Variants in ELAVL4 observed in about 807,000 individuals in gnomAD.
ELAVL4 encodes the protein ELAV like RNA binding protein 4.
In ELAVL4, 1 loss-of-function variant was observed where a neutral mutation model predicts 35.6. The observed-to-expected ratio is 0.03, with a 90% CI of 0.01 to 0.13. The LOEUF is 0.13. Ranked by LOEUF, ELAVL4 falls within the 10% of genes least tolerant of loss-of-function variation. The pLI is 1.00. For missense variants in ELAVL4, 267 were observed against 464.9 expected (o/e 0.57, Z 3.91); for synonymous variants, 156 against 171.0 (o/e 0.91, Z 0.69).
chr1:50,082,776 G>A (rs1302538027), intron 1 of ELAVL4, among the ~76,000 whole-genome samples: 1 of 152,094 alleles, frequency 6.6e-6, no homozygotes, highest in Non-Finnish European at 1.5e-5. Context: ...TAAGAATTAG[G>A]CATTTGATCT....
At chr1:50,136,811 G>A (rs1201209114) in intron 1 of ELAVL4, among the ~76,000 whole-genome samples, 1 of 152,114 alleles carries the variant, frequency 6.6e-6, no homozygotes, top group African/African-American at 2.4e-5. Context: ...TGTGCAGTGA[G>A]GCTATATCTC....
At chr1:50,114,175 A>G (rs1458645139) in intron 1 of ELAVL4, among the ~76,000 whole-genome samples, 1 of 152,112 alleles carries the variant, frequency 6.6e-6, no homozygotes, top group Non-Finnish European at 1.5e-5. Flanking sequence ...CATCCCTTCA[A>G]TCAAGGGCCT....
intron 2 of ELAVL4, among the ~76,000 whole-genome samples, chr1:50,157,919 A>G (rs147227491): frequency 1.3e-5 from 2 of 152,300 alleles, no homozygotes; most frequent in African/African-American, 4.8e-5. Context: ...TTGTATATAT[A>G]GATATGTGTA....
At chr1:50,120,778 T>C (rs1668894766) in intron 1 of ELAVL4, among the ~76,000 whole-genome samples, 1 of 152,048 alleles carries the variant, frequency 6.6e-6, no homozygotes, top group South Asian at 2.1e-4. Context: ...AGGAAAAATA[T>C]CGACTTTACT....
At chr1:50,161,038 A>T (rs932902289) in intron 2 of ELAVL4, among the ~76,000 whole-genome samples, 18 of 151,988 alleles carry the variant, frequency 1.2e-4, no homozygotes, top group Non-Finnish European at 2.4e-4. Context: ...TAACCTGATA[A>T]TTTTTTCTAT....
chr1:50,147,814 T>A (rs1358863733), intron 2 of ELAVL4, among the ~76,000 whole-genome samples: 1 of 152,082 alleles, frequency 6.6e-6, no homozygotes, highest in Non-Finnish European at 1.5e-5. Flanking sequence ...GAGATAAGAA[T>A]TCAAGATTAA....
chr1:50,133,628 A>AAAGAAAGC (rs1671331297), intron 1 of ELAVL4, among the ~76,000 whole-genome samples: 1 of 150,720 alleles, frequency 6.6e-6, no homozygotes, highest in Non-Finnish European at 1.5e-5. Context: ...AGAAAGAAAG[A>AAAGAAAGC]AAGAAAGAAA....
chr1:50,058,369 G>C (rs189629661), intron 1 of ELAVL4, among the ~76,000 whole-genome samples: 2 of 152,224 alleles, frequency 1.3e-5, no homozygotes, highest in East Asian at 3.9e-4. Flanking sequence ...GACAGGATAG[G>C]ATATATAGGA....
At chr1:50,127,023 G>C (rs757991749) in intron 1 of ELAVL4, among the ~76,000 whole-genome samples, 1 of 151,954 alleles carries the variant, frequency 6.6e-6, no homozygotes, top group African/African-American at 2.4e-5. Flanking sequence ...AATAAACAGA[G>C]CAGGAAGAGT....
chr1:50,119,039 A>AGAAG (rs1668515911), intron 1 of ELAVL4, among the ~76,000 whole-genome samples: 1 of 48,676 alleles, frequency 2.1e-5, no homozygotes, highest in Non-Finnish European at 4.5e-5. Flanking sequence ...AGAAAGAAAA[A>AGAAG]GAAAGAAAGA....
intron 2 of ELAVL4, among the ~76,000 whole-genome samples, chr1:50,151,738 A>G (rs1363253368): frequency 6.6e-6 from 1 of 152,192 alleles, no homozygotes; most frequent in Non-Finnish European, 1.5e-5. Context: ...AATCAGGCAG[A>G]TTCGCATCTG....
At chr1:50,133,760 C>T (rs1671425303) in intron 1 of ELAVL4, among the ~76,000 whole-genome samples, 1 of 152,126 alleles carries the variant, frequency 6.6e-6, no homozygotes, top group African/African-American at 2.4e-5. Context: ...GAATAACATT[C>T]AGGATCTTTT....
chr1:50,069,266 A>T (rs2148485373), intron 1 of ELAVL4, among the ~76,000 whole-genome samples: 1 of 152,286 alleles, frequency 6.6e-6, no homozygotes, highest in East Asian at 1.9e-4. Context: ...CTGCTTAATG[A>T]AGCCCTTCTG....
At chr1:50,198,088 A>T (rs1023442969) in intron 6 of ELAVL4, among the ~76,000 whole-genome samples, 4 of 152,166 alleles carry the variant, frequency 2.6e-5, no homozygotes, top group African/African-American at 4.8e-5. Context: ...TACAGGTTTT[A>T]ACAGTTCTTA....
intron 1 of ELAVL4, among the ~76,000 whole-genome samples, chr1:50,052,876 C>A (rs1312305717): frequency 1.3e-5 from 2 of 152,130 alleles, no homozygotes; most frequent in Admixed American, 6.5e-5. Context: ...AAAATGACTC[C>A]CAAAAACCCT....
At chr1:50,105,432 A>G (rs560829510), upstream of ELAVL4, among the ~76,000 whole-genome samples, 31 of 152,040 alleles carry the variant, frequency 2.0e-4, no homozygotes, top group African/African-American at 4.3e-4. Flanking sequence ...GTTTTGTTTC[A>G]TTTCCTTGCT....
At chr1:50,077,731 T>C (rs954422572) in intron 1 of ELAVL4, among the ~76,000 whole-genome samples, 1 of 152,230 alleles carries the variant, frequency 6.6e-6, no homozygotes, top group Non-Finnish European at 1.5e-5. Flanking sequence ...AGTATCACTA[T>C]TGATTCAAAG....
chr1:50,065,088 T>C lies in ELAVL4; in HGVS notation c.18+16906T>C, dbSNP rs565019052. ...GGCCAGGCAACATGGGTGTTGGCTG[T>C]GGAGTTACTAGACTTGGAGTTACAG... On this transcript the variant is annotated intron_variant, in intron 1 of 6. Coordinates refer to the ELAVL4 transcript ENST00000448907. Among the ~76,000 whole-genome samples, 10 of 152,212 alleles carry C rather than the reference T, an allele frequency of 6.6e-5. No homozygotes were observed. The South Asian group carries it at 1.9e-3, about 29-fold the overall frequency.
At chr1:50,089,250 A>G (rs1228700653) in intron 1 of ELAVL4, among the ~76,000 whole-genome samples, 1 of 152,248 alleles carries the variant, frequency 6.6e-6, no homozygotes, top group Non-Finnish European at 1.5e-5. Flanking sequence ...CAAGGAGGCT[A>G]CAGGAGCAGA....
Sources: allele counts gnomAD v4.1 joint callset (sites outside exome capture counted in the v4.1 genomes callset), GRCh38; gene constraint gnomAD v4.1.1; transcripts MANE v1.5; gene names NCBI Gene and HGNC (gene_info 2026-07-23, HGNC 2026-07-21).